The following PRRC2C variants were observed in gnomAD, a reference collection of about 807,000 sequenced individuals.
The protein encoded by PRRC2C is proline rich coiled-coil 2C.
Under a neutral mutation model 317.2 loss-of-function variants are expected in PRRC2C, and 72 were observed. That is an observed-to-expected ratio of 0.23 (90% CI 0.19 to 0.28). The LOEUF (loss-of-function observed/expected upper bound fraction) is 0.28, where lower values mean the gene tolerates loss of function less well. PRRC2C is among the 10% of genes least tolerant of loss of function. PRRC2C has a pLI of 1.00. For missense variants in PRRC2C, 3,074 were observed against 3,459.7 expected (o/e 0.89, Z 2.80); for synonymous variants, 1,296 against 1,205.9 (o/e 1.07, Z -1.55).
chr1:171,567,687 A>G (rs1204309428), intron 22 of PRRC2C, among the ~76,000 whole-genome samples: 1 of 152,216 alleles, frequency 6.6e-6, no homozygotes, highest in Non-Finnish European at 1.5e-5. Flanking sequence ...TTAATAACCT[A>G]CAGAAATAAA....
chr1:171,550,802 C>CT, intron 18 of PRRC2C, among the ~76,000 whole-genome samples: 1 of 152,178 alleles, frequency 6.6e-6, no homozygotes, highest in East Asian at 1.9e-4. Flanking sequence ...TGAACTCATC[C>CT]TTTTTTATGG....
chr1:171,580,377 A>T (rs935995126), intron 28 of PRRC2C, among the ~76,000 whole-genome samples: 2 of 152,216 alleles, frequency 1.3e-5, no homozygotes. Context: ...CAGAACAGAG[A>T]GGGGTAAATA....
rs533625955 is a variant in PRRC2C at position 171,592,633 on chromosome 1, A to G, written c.*786A>G. Reference sequence around the variant, plus strand: ...ATTCAAACATGACAGATTTGGTAAAATGCTGGTTAGGTTGAGTCTTCCTTG... The same window carrying G: ...ATTCAAACATGACAGATTTGGTAAAGTGCTGGTTAGGTTGAGTCTTCCTTG... On this transcript the variant is annotated 3_prime_UTR_variant, in exon 35 of 35. Coordinates refer to ENST00000647382, the MANE Select transcript of PRRC2C (RefSeq NM_001387844.1). 1 of 152,130 alleles carries G rather than the reference A, an allele frequency of 6.6e-6. No homozygotes were observed. Among genetic ancestry groups the G allele is most frequent in the Non-Finnish European group, 1.5e-5 (1 of 68,026 alleles). The allele number at this position is 152,130 out of a possible 1,614,324, so 9.4% of individuals were successfully genotyped here.
intron 24 of PRRC2C, among the ~76,000 whole-genome samples, chr1:171,571,986 T>C (rs2102759938): frequency 6.6e-6 from 1 of 152,288 alleles, no homozygotes; most frequent in South Asian, 2.1e-4. Context: ...CGCTTTTTGA[T>C]GTCAAAATGT....
In PRRC2C at chr1:171,557,760, C is replaced by T. The variant is rs1218733530; in HGVS notation, c.5648C>T (p.Ser1883Phe). ...GCTCCAACGCCAGCCCCAGCAGCCT[C>T]TTCCCCAGCTGCCCCAGTCATCACA... is the stretch of plus-strand genomic sequence containing the variant. ...TSAPTPAPAA[S>F]SPAAPVITAP... is the part of the protein sequence containing the mutation. The change falls in exon 19 of 35, where the codon TCT (serine) becomes TTT (phenylalanine). Residue 1883 changes from serine to phenylalanine, a missense_variant. Ser to Phe is a radical substitution (Grantham distance 155). Transcript: ENST00000647382. 1.3e-6 allele frequency: 2 copies of T among 1,551,222 alleles called. No individual in the cohort carries two copies. Among genetic ancestry groups the T allele is most frequent in the Non-Finnish European group, 8.7e-7 (1 of 1,146,680 alleles).
At chr1:171,527,353 G>C (rs1473728546) in intron 10 of PRRC2C, among the ~76,000 whole-genome samples, 1 of 141,916 alleles carries the variant, frequency 7.0e-6, no homozygotes, top group Non-Finnish European at 1.5e-5. Flanking sequence ...GGCTGGTCTT[G>C]AACTCCTGAC....
At position 171,574,992 on chromosome 1, in the gene PRRC2C, T is replaced by G. The variant is rs1454022663; in HGVS notation, c.6819T>G (p.Thr2273=). ...PNVREKGSPV[T]STAPPIATGV... is the part of the protein sequence containing the mutation. ...TAAGGGAAAAGGGGTCTCCAGTAAC[T>G]TCCACAGCACCTCCAATTGCAACTG... The change falls in exon 25 of 35, where the codon ACT becomes ACG. Residue 2273 remains threonine (T), a synonymous_variant. Transcript: ENST00000647382. The G allele has an allele frequency of 6.2e-7, 1 of 1,613,932 alleles. No individual in the cohort carries two copies. Among genetic ancestry groups the G allele is most frequent in the Non-Finnish European group, 8.5e-7 (1 of 1,179,880 alleles).
chr1:171,528,009 G>A (rs112052143), intron 11 of PRRC2C, among the ~76,000 whole-genome samples, 165 bp downstream of exon 11: 89 of 152,030 alleles, frequency 5.9e-4, no homozygotes, highest in Non-Finnish European at 7.8e-4. Context: ...TTCATTCTCA[G>A]TTGATAAGCA....
At chr1:171,512,380 T>C in intron 2 of PRRC2C, 180 bp downstream of exon 2, 1 of 526,292 alleles carries the variant, frequency 1.9e-6, no homozygotes, top group South Asian at 1.7e-5. Flanking sequence ...TAATTGAAAA[T>C]TTATACTTTC....
chr1:171,582,888 A>G (rs909751997), intron 28 of PRRC2C, among the ~76,000 whole-genome samples: 3 of 152,006 alleles, frequency 2.0e-5, no homozygotes, highest in African/African-American at 7.2e-5. Context: ...TTCTTCAATA[A>G]TAAATTAACC....
At chr1:171,534,937 ACT>A (rs1268565993) in intron 12 of PRRC2C, among the ~76,000 whole-genome samples, 4 of 152,190 alleles carry the variant, frequency 2.6e-5, no homozygotes, top group Non-Finnish European at 5.9e-5. Context: ...ACTAGTGATC[ACT>A]CTGTTGTCTT....
In PRRC2C at chr1:171,550,258, A is replaced by G. The variant is rs1314175914; in HGVS notation, c.5127+18A>G. Reference sequence around the variant, plus strand: ...TCATACAGGTTTAAATCTTGTTTCAACTTGTTGCTAGTTATCTAGATTTGT... The same window carrying G: ...TCATACAGGTTTAAATCTTGTTTCAGCTTGTTGCTAGTTATCTAGATTTGT... On this transcript the variant is annotated intron_variant, in intron 18 of 34. Coordinates refer to ENST00000647382, the MANE Select transcript of PRRC2C (RefSeq NM_001387844.1). 2.8e-5 allele frequency: 44 copies of G among 1,544,078 alleles called. No homozygotes were observed. The highest frequency in any genetic ancestry group is 3.5e-5 in the Non-Finnish European group (40 of 1,142,226).
At chr1:171,562,500 GC>G (rs1055354910) in intron 20 of PRRC2C, among the ~76,000 whole-genome samples, 3 of 152,180 alleles carry the variant, frequency 2.0e-5, no homozygotes, top group Admixed American at 2.0e-4. Context: ...AATGATGATA[GC>G]TTAAAACCTG....
At chr1:171,515,965 G>A in intron 5 of PRRC2C, 106 bp downstream of exon 5, 2 of 1,272,304 alleles carry the variant, frequency 1.6e-6, no homozygotes, top group Non-Finnish European at 2.1e-6. Context: ...ACTTCGAAAA[G>A]GCAGACTTTG....
At chr1:171,497,512 C>T (rs1266084133) in intron 1 of PRRC2C, among the ~76,000 whole-genome samples, 1 of 152,064 alleles carries the variant, frequency 6.6e-6, no homozygotes, top group Non-Finnish European at 1.5e-5. Flanking sequence ...CTGTCTATTG[C>T]CGAGGCTGTA....
chr1:171,537,339 T>A lies in PRRC2C; in HGVS notation c.2370T>A (p.His790Gln), dbSNP rs996867500. Residue 790 changes from histidine (H) to glutamine (Q), a missense_variant, in exon 15 of 35, where the codon CAT becomes CAA. Physicochemically the swap from His to Gln is conservative, Grantham distance 24. Transcript: ENST00000647382. Reference sequence around the variant, plus strand: ...CGAACAGTTCTGAGTCATTTGAGCATATAGCTCGATCTGCAAGAGATCACG... The same window carrying A: ...CGAACAGTTCTGAGTCATTTGAGCAAATAGCTCGATCTGCAAGAGATCACG... ...GSPNSSESFE[H>Q]IARSARDHAI... 6.3e-7 allele frequency: 1 copy of A among 1,597,554 alleles called. No individual in the cohort carries two copies. The highest frequency in any genetic ancestry group is 8.5e-7 in the Non-Finnish European group (1 of 1,171,274).
chr1:171,563,407 T>C (rs1425221505), intron 20 of PRRC2C, among the ~76,000 whole-genome samples: 1 of 152,206 alleles, frequency 6.6e-6, no homozygotes, highest in Non-Finnish European at 1.5e-5. Flanking sequence ...CAGTCTGTTC[T>C]TGTATAGCAC....
intron 14 of PRRC2C, 70 bp downstream of exon 14, chr1:171,536,348 C>G: frequency 6.7e-7 from 1 of 1,498,056 alleles, no homozygotes; most frequent in Non-Finnish European, 9.1e-7. Context: ...GTTTCAGTTC[C>G]TTTGAGAGTT....
At chr1:171,487,531 G>T (rs1028323050) in intron 1 of PRRC2C, among the ~76,000 whole-genome samples, 1 of 152,020 alleles carries the variant, frequency 6.6e-6, no homozygotes, top group Admixed American at 6.6e-5. Flanking sequence ...TAATTTTTTT[G>T]TGTCCTTTTC....
Sources: allele counts gnomAD v4.1 joint callset (sites outside exome capture counted in the v4.1 genomes callset), GRCh38; gene constraint gnomAD v4.1.1; transcripts MANE v1.5; gene names NCBI Gene and HGNC (gene_info 2026-07-23, HGNC 2026-07-21).